LAMA2: variants seen among roughly 807,000 people sequenced by gnomAD.
LAMA2 encodes the protein laminin subunit alpha-2.
LAMA2 carries 269 observed loss-of-function variants against 364.8 expected under a neutral mutation model. That is an observed-to-expected ratio of 0.74 (90% CI 0.67 to 0.82). The LOEUF is 0.82. Ranked by LOEUF, LAMA2 falls within the 40% of genes least tolerant of loss-of-function variation. LAMA2 has a pLI of 0.00. For synonymous variants in LAMA2, 1,379 were observed against 1,370.6 expected (o/e 1.01, Z -0.14); for missense variants, 3,807 against 3,873.2 (o/e 0.98, Z 0.45).
intron 4 of LAMA2, among the ~76,000 whole-genome samples, chr6:129,106,261 A>G (rs557144231): frequency 6.6e-6 from 1 of 151,780 alleles, no homozygotes; most frequent in South Asian, 2.1e-4. Flanking sequence ...TCTTTTCATC[A>G]TCTGACATTA....
At chr6:128,883,835 C>CAT (rs71543147) in intron 1 of LAMA2, among the ~76,000 whole-genome samples, 2,494 of 117,642 alleles carry the variant, frequency 0.021, 49 homozygotes, top group Non-Finnish European at 0.032. Flanking sequence ...CACACACACA[C>CAT]ATATATATAT....
intron 1 of LAMA2, among the ~76,000 whole-genome samples, chr6:128,982,804 T>G (rs867853663): frequency 9.5e-4 from 127 of 133,662 alleles, no homozygotes; most frequent in African/African-American, 3.5e-3. Flanking sequence ...ATGTTCCCCT[T>G]CTTGTGTCCA....
At position 129,279,919 on chromosome 6, in the gene LAMA2, T is replaced by TA. The variant is rs1788602721; in HGVS notation, c.2451-140dup. The TA allele has an allele frequency of 1.4e-4, 100 of 718,782 alleles. 2 individuals carry two copies. The South Asian group carries it at 1.5e-3, about 11-fold the overall frequency. 44.5% of individuals were successfully genotyped at this position (718,782 alleles called of 1,614,324 possible). A position where few individuals can be genotyped will look rare whatever the true frequency, so the allele number is the denominator to read the frequency against. On this transcript the variant is annotated intron_variant, in intron 17 of 64. Coordinates refer to ENST00000421865, the MANE Select transcript of LAMA2 (RefSeq NM_000426.4). ...ATTTCATCCTCCATTGGCCAGACCC[T>TA]AATCTCTGTCTCTGGGGTGAGAATG...
At chr6:129,165,553 A>T in intron 8 of LAMA2, 23 bp from the exon 9 acceptor site, 1 of 1,519,626 alleles carries the variant, frequency 6.6e-7, no homozygotes, top group Non-Finnish European at 9.1e-7. Context: ...ACTTCGTTAA[A>T]TTCATTTTAA....
chr6:129,041,327 A>G (rs1005528060), intron 1 of LAMA2, among the ~76,000 whole-genome samples: 3 of 152,206 alleles, frequency 2.0e-5, no homozygotes, highest in East Asian at 1.9e-4. Context: ...CTTCATTTAT[A>G]TGAGATTAAA....
At chr6:129,314,289 C>T (rs1357612695) in intron 23 of LAMA2, among the ~76,000 whole-genome samples, 1 of 151,078 alleles carries the variant, frequency 6.6e-6, no homozygotes, top group African/African-American at 2.4e-5. Flanking sequence ...GTCCCATCTA[C>T]TCGGAAGGCT....
intron 23 of LAMA2, among the ~76,000 whole-genome samples, 155 bp downstream of exon 23, chr6:129,313,252 A>G (rs1400324651): frequency 6.6e-6 from 1 of 152,214 alleles, no homozygotes; most frequent in Non-Finnish European, 1.5e-5. Flanking sequence ...TTTCATTGAT[A>G]TGCATTTGTT....
chr6:129,403,953 A>G lies in LAMA2; in HGVS notation c.5859A>G (p.Thr1953=). 6.2e-7 allele frequency: 1 copy of G among 1,613,936 alleles called. No individual in the cohort carries two copies. Among genetic ancestry groups the G allele is most frequent in the Non-Finnish European group, 8.5e-7 (1 of 1,179,856 alleles). Residue 1953 remains threonine, a synonymous_variant, in exon 40 of 65, where the codon ACA becomes ACG. Coordinates refer to ENST00000421865, the MANE Select transcript of LAMA2 (RefSeq NM_000426.4). ...CCAAAGATCTTGCACATGAAGCTAC[A>G]AAACTGGTAAGAAACAAATGGCACA... ...KEAKDLAHEA[T]KLATGPRGLL...
At chr6:129,475,459 T>A in intron 53 of LAMA2, 58 bp downstream of exon 53, 1 of 1,342,690 alleles carries the variant, frequency 7.4e-7, no homozygotes, top group Non-Finnish European at 1.1e-6. Context: ...AAATGTGGCT[T>A]CTTAGATAAA....
chr6:129,300,545 G>A (rs1042415593), intron 21 of LAMA2, among the ~76,000 whole-genome samples, 191 bp from the exon 22 acceptor site: 1 of 152,024 alleles, frequency 6.6e-6, no homozygotes, highest in Non-Finnish European at 1.5e-5. Flanking sequence ...TATATTTATT[G>A]AACAGCTCCT....
chr6:129,177,100 C>T (rs886393299), intron 9 of LAMA2, among the ~76,000 whole-genome samples: 1 of 152,076 alleles, frequency 6.6e-6, no homozygotes, highest in Admixed American at 6.6e-5. Flanking sequence ...CATGAATAAA[C>T]ATTGTGTTTT....
chr6:128,910,455 A>G (rs1489139561), intron 1 of LAMA2, among the ~76,000 whole-genome samples: 1 of 151,688 alleles, frequency 6.6e-6, no homozygotes. Context: ...TGCATTCTTC[A>G]CGTAGTTCTC....
intron 44 of LAMA2, among the ~76,000 whole-genome samples, chr6:129,443,362 C>A (rs1195660509): frequency 6.6e-6 from 1 of 152,026 alleles, no homozygotes; most frequent in African/African-American, 2.4e-5. Context: ...GTGGGAGGAT[C>A]ACTTGAGGCC....
At chr6:129,076,921 C>G (rs1185815091) in intron 3 of LAMA2, among the ~76,000 whole-genome samples, 2 of 151,976 alleles carry the variant, frequency 1.3e-5, no homozygotes, top group African/African-American at 4.8e-5. Flanking sequence ...GACAGTACAA[C>G]TAAGGAGATC....
At chr6:128,929,227 C>T (rs1779289402) in intron 1 of LAMA2, 7 of 1,487,712 alleles carry the variant, frequency 4.7e-6, no homozygotes, top group Non-Finnish European at 6.6e-6. Flanking sequence ...TGAGCTTCTT[C>T]CTCTGATTGA....
chr6:129,342,765 T>C (rs1776340520), intron 30 of LAMA2, among the ~76,000 whole-genome samples: 2 of 152,154 alleles, frequency 1.3e-5, no homozygotes. Context: ...CATGGTTTCA[T>C]AAATATACCA....
chr6:129,122,754 G>T (rs1277184486), intron 4 of LAMA2, among the ~76,000 whole-genome samples: 1 of 151,992 alleles, frequency 6.6e-6, no homozygotes, highest in Non-Finnish European at 1.5e-5. Flanking sequence ...CTCATGCATA[G>T]CTCCACCACA....
chr6:128,985,465 C>A (rs1783167316), intron 1 of LAMA2, among the ~76,000 whole-genome samples: 1 of 151,846 alleles, frequency 6.6e-6, no homozygotes, highest in South Asian at 2.1e-4. Flanking sequence ...TTTTTTATAC[C>A]TTTAAATCCA....
At position 129,476,460 on chromosome 6, in the gene LAMA2, CTT is replaced by C. The variant is rs574840145; in HGVS notation, c.7451+1061_7451+1062del. ...GCACTGTGTAGGTTTGTAATTTTGC[CTT>C]TGAGTGGTGACCCTCAAGAAACAGG... On this transcript the variant is annotated intron_variant, in intron 53 of 64. Transcript: ENST00000421865. Among the ~76,000 whole-genome samples the C allele has an allele frequency of 1.4e-3, 215 of 152,246 alleles. 1 individual carries two copies. The highest frequency in any genetic ancestry group is 5.0e-3 in the African/African-American group (206 of 41,548).
Sources: allele counts gnomAD v4.1 joint callset (sites outside exome capture counted in the v4.1 genomes callset), GRCh38; gene constraint gnomAD v4.1.1; transcripts MANE v1.5; gene names NCBI Gene and HGNC (gene_info 2026-07-23, HGNC 2026-07-21).